Variants in PKD1L3 observed in about 807,000 individuals in gnomAD.
PKD1L3 encodes polycystin-1-like protein 3.
PKD1L3 carries 239 observed loss-of-function variants against 184.1 expected under a neutral mutation model. That is an observed-to-expected ratio of 1.30 (90% confidence interval 1.17 to 1.45). PKD1L3 has a LOEUF of 1.45. Among genes scored for constraint, PKD1L3 ranks in the 40% most tolerant of loss-of-function variants. The probability of loss-of-function intolerance (pLI) is 0.00; values close to 1 mark genes in which losing one functional copy is unlikely to be tolerated. For synonymous variants in PKD1L3, 996 were observed against 778.8 expected (o/e 1.28, Z -4.64); for missense variants, 2,660 against 2,067.2 (o/e 1.29, Z -5.56).
chr16:71,987,298 G>C lies in PKD1L3; in HGVS notation c.586-829C>G, dbSNP rs117548260. Among the ~76,000 whole-genome samples the C allele has an allele frequency of 1.3e-3, 191 of 151,678 alleles. 2 individuals are homozygous for C. In the East Asian group the frequency reaches 0.034, roughly 27 times the overall value. On this transcript the variant is annotated intron_variant, in intron 4 of 29. Transcript: ENST00000620267. The stretch of plus-strand genomic sequence containing the variant: ...TACAGTGGCACAATCATGGCTCCTT[G>C]CAGCCTTGACCTCCTGGGTTCAGGT...
intron 12 of PKD1L3, among the ~76,000 whole-genome samples, chr16:71,970,599 G>C (rs973320688): frequency 6.6e-6 from 1 of 152,072 alleles, no homozygotes; most frequent in Non-Finnish European, 1.5e-5. Flanking sequence ...CCTGAGGCTA[G>C]GAGTTTGAGA....
chr16:71,943,054 G>C, intron 23 of PKD1L3, 30 bp from the exon 24 acceptor site: 1 of 1,474,370 alleles, frequency 6.8e-7, no homozygotes, highest in Non-Finnish European at 9.2e-7. Context: ...AAATGTCATA[G>C]TTGAGTGGTT....
At chr16:71,940,846 T>C (rs2038336714) in intron 24 of PKD1L3, among the ~76,000 whole-genome samples, 1 of 148,846 alleles carries the variant, frequency 6.7e-6, no homozygotes, top group African/African-American at 2.5e-5. Context: ...TATTGCCTTT[T>C]TTTTTTCTTG....
At chr16:71,942,043 G>T (rs1326144076) in intron 24 of PKD1L3, among the ~76,000 whole-genome samples, 4 of 151,862 alleles carry the variant, frequency 2.6e-5, no homozygotes, top group Non-Finnish European at 5.9e-5. Context: ...GGCTGGGCAC[G>T]GTGGCTCATA....
intron 24 of PKD1L3, 29 bp downstream of exon 24, chr16:71,942,531 G>T: frequency 6.6e-7 from 1 of 1,514,700 alleles, no homozygotes; most frequent in Non-Finnish European, 8.9e-7. Context: ...TGCTACGTGT[G>T]GTTGAATTCC....
intron 28 of PKD1L3, among the ~76,000 whole-genome samples, chr16:71,931,959 C>T (rs573233553): frequency 4.4e-4 from 67 of 152,148 alleles, no homozygotes; most frequent in Non-Finnish European, 7.8e-4. Context: ...TAGCTCATTG[C>T]ATCCTCACTC....
chr16:71,967,114 G>A lies in PKD1L3; in HGVS notation c.2465+23C>T, dbSNP rs772818344. 8 of 1,542,388 alleles carry A rather than the reference G, an allele frequency of 5.2e-6. No homozygotes were observed. The East Asian group carries it at 1.7e-4, about 33-fold the overall frequency. ...TTGGATCCACAAAGCAGCAGCAACA[G>A]CCAACAGGATATAAGTACTCACCAG... On this transcript the variant is annotated intron_variant, in intron 15 of 29. Transcript: ENST00000620267.
intron 1 of PKD1L3, 83 bp from the exon 2 acceptor site, chr16:71,998,477 G>C: frequency 6.8e-7 from 1 of 1,465,032 alleles, no homozygotes; most frequent in Non-Finnish European, 9.0e-7. Context: ...TTTTGAGACA[G>C]TCCCACTCAG....
At chr16:71,986,711 A>G (rs1486773715) in intron 4 of PKD1L3, among the ~76,000 whole-genome samples, 1 of 152,174 alleles carries the variant, frequency 6.6e-6, no homozygotes, top group African/African-American at 2.4e-5. Flanking sequence ...TTAAACATTT[A>G]TAAGTTGCTA....
chr16:71,937,501 C>A, intron 24 of PKD1L3, 82 bp from the exon 25 acceptor site: 3 of 1,433,866 alleles, frequency 2.1e-6, no homozygotes, highest in Non-Finnish European at 2.8e-6. Context: ...TGAATAACCC[C>A]AACTCTTCCT....
Position 71,950,278 on chromosome 16 carries a change from A to G in PKD1L3, c.3223T>C (p.Tyr1075His). ...VPENHHHFCCYLHRVLQRLKS... is the reference protein window; with the variant it reads ...VPENHHHFCCHLHRVLQRLKS... ...AGCCTCTGCAGAACTCTATGCAGGT[A>G]ACAGCAGAAATGATGGTGGTTTTCA... The change falls in exon 20 of 30, where the codon TAC becomes CAC. Residue 1075 changes from tyrosine to histidine, a missense_variant. By Grantham distance (83) the Tyr-to-His change is moderately conservative (BLOSUM62 2). Coordinates refer to ENST00000620267, the MANE Select transcript of PKD1L3 (RefSeq NM_181536.2). 2 of 1,535,716 alleles carry G rather than the reference A, an allele frequency of 1.3e-6. No homozygotes were observed. Among genetic ancestry groups the G allele is most frequent in the East Asian group, 4.9e-5 (2 of 40,636 alleles).
chr16:71,969,804 T>C, intron 13 of PKD1L3, 71 bp downstream of exon 13: 1 of 1,337,856 alleles, frequency 7.5e-7, no homozygotes, highest in Non-Finnish European at 1.0e-6. Context: ...TTGACGAAGG[T>C]GTTTTTTCCT....
intron 18 of PKD1L3, among the ~76,000 whole-genome samples, chr16:71,952,270 G>A (rs1429430242): frequency 6.8e-6 from 1 of 147,158 alleles, no homozygotes; most frequent in South Asian, 2.2e-4. Context: ...TGGAGTGCAG[G>A]GGCGCAATCT....
intron 16 of PKD1L3, among the ~76,000 whole-genome samples, chr16:71,957,113 G>A (rs531720203): frequency 1.3e-5 from 2 of 152,198 alleles, no homozygotes; most frequent in East Asian, 3.9e-4. Flanking sequence ...GAGGCATAAA[G>A]AAAATAATTT....
Position 71,978,362 on chromosome 16 carries a change from G to A in PKD1L3, c.1420C>T (p.Pro474Ser). ...TTTCTGTTGTCCAAATCCTTGAAGGGATTGAAAGCTAGTCCTGTTATCTAA... is the reference window on the plus strand; with the variant it reads ...TTTCTGTTGTCCAAATCCTTGAAGGAATTGAAAGCTAGTCCTGTTATCTAA... ...NVQITGLAFN[P>S]FKDLDNRNIV... Residue 474 changes from proline (P) to serine (S), a missense_variant, in exon 10 of 30, where the codon CCC (proline) becomes TCC (serine). Transcript: ENST00000620267. 3 of 1,549,914 alleles carry A rather than the reference G, an allele frequency of 1.9e-6. No homozygotes were observed. The highest frequency in any genetic ancestry group is 1.7e-4 in the Middle Eastern group (1 of 5,986).
At chr16:71,968,569 T>C (rs1355497901) in intron 13 of PKD1L3, among the ~76,000 whole-genome samples, 3 of 152,186 alleles carry the variant, frequency 2.0e-5, no homozygotes, top group Non-Finnish European at 2.9e-5. Flanking sequence ...TTAAAAAACA[T>C]GCCATATAAA....
intron 26 of PKD1L3, 50 bp downstream of exon 26, chr16:71,935,308 A>G (rs2038135370): frequency 6.6e-7 from 1 of 1,503,862 alleles, no homozygotes. Context: ...TAAACAGGAA[A>G]CTTTAGACAT....
chr16:71,970,645 T>C (rs1207108212), intron 12 of PKD1L3, among the ~76,000 whole-genome samples: 1 of 152,002 alleles, frequency 6.6e-6, no homozygotes, highest in East Asian at 1.9e-4. Context: ...CCATCTCTAC[T>C]AAAAATATAA....
chr16:71,978,969 T>C (rs1239419946), intron 9 of PKD1L3, among the ~76,000 whole-genome samples: 1 of 152,208 alleles, frequency 6.6e-6, no homozygotes, highest in Non-Finnish European at 1.5e-5. Context: ...CCAGAATTAT[T>C]ATTTTTAATC....
Sources: gnomAD v4.1 joint callset for allele counts (sites outside exome capture counted in the v4.1 genomes callset) on GRCh38, gnomAD v4.1.1 for gene constraint, MANE v1.5 for transcripts, NCBI Gene and HGNC (gene_info 2026-07-23, HGNC 2026-07-21) for gene names.